JAG1: variants seen among roughly 807,000 people sequenced by gnomAD.
The protein encoded by JAG1 is jagged canonical Notch ligand 1, also known as protein jagged-1.
In JAG1, 23 loss-of-function variants were observed where a neutral mutation model predicts 148.7. The ratio of observed to expected loss-of-function variants is 0.15; its 90% CI spans 0.11 to 0.22. The LOEUF (loss-of-function observed/expected upper bound fraction) is 0.22. Among genes scored for constraint, JAG1 ranks in the 10% least tolerant of loss-of-function variants. The pLI, the probability that JAG1 is intolerant of heterozygous loss-of-function variation, is 1.00. For synonymous variants in JAG1, 572 were observed against 598.3 expected (o/e 0.96, Z 0.64); for missense variants, 1,054 against 1,611.2 (o/e 0.65, Z 5.92).
chr20:10,641,987 C>T lies in JAG1; in HGVS notation c.2573-95G>A, dbSNP rs1050581102. ...TGTTATGAAATGGTTATGCCTGTGC[C>T]CTTTGCCATGTTAAGATCATTCTTC... is the stretch of plus-strand genomic sequence containing the variant. On this transcript the variant is annotated intron_variant, in intron 21 of 25. Transcript: ENST00000254958. 1.1e-5 allele frequency: 9 copies of T among 840,590 alleles called. No individual in the cohort carries two copies. In the African/African-American group the frequency reaches 1.2e-4, roughly 11 times the overall value. The allele number at this position is 840,590 out of a possible 1,614,324, so 52.1% of individuals were successfully genotyped here.
rs948268763 is a variant in JAG1, at chr20:10,673,302, G to C, written c.81+148C>G. 2.0e-5 allele frequency: 14 copies of C among 700,508 alleles called. No homozygotes were observed. The highest frequency in any genetic ancestry group is 3.1e-5 in the Non-Finnish European group (13 of 423,588). 43.4% of individuals were successfully genotyped at this position (700,508 alleles called of 1,614,324 possible). The stretch of plus-strand genomic sequence containing the variant: ...GGGGCTCCCGTGGGGGAGTTGGCGC[G>C]CTCAGCCCAGGTGCAGCCGCTCGGG... On this transcript the variant is annotated intron_variant, in intron 1 of 25. Transcript: ENST00000254958. The surrounding 1 kb of genome is among the most constrained non-coding windows in gnomAD (Gnocchi z 4.7).
Position 10,647,974 on chromosome 20 carries a change from G to C in JAG1, c.1706C>G (p.Thr569Arg). 1 of 1,614,136 alleles carries C rather than the reference G, an allele frequency of 6.2e-7. No homozygotes were observed. Among genetic ancestry groups the C allele is most frequent in the Non-Finnish European group, 8.5e-7 (1 of 1,180,034 alleles). Reference protein sequence around the residue: ...NCSHLKDHCRTTPCEVIDSCT... With the variant: ...NCSHLKDHCRRTPCEVIDSCT... ...AAGGGAGGTACCTTCACAGGGGGTC[G>C]TGCGGCAGTGGTCTTTCAGGTGTGA... is the stretch of plus-strand genomic sequence containing the variant. The change falls in exon 13 of 26, where the codon ACG (threonine) becomes AGG (arginine). Residue 569 changes from threonine to arginine, a missense_variant. By Grantham distance (71) the Thr-to-Arg change is moderately conservative (BLOSUM62 -1). This residue lies in a region of JAG1 where 245 missense variants were observed against 373.1 expected (regional missense o/e 0.66). Coordinates refer to ENST00000254958, the MANE Select transcript of JAG1 (RefSeq NM_000214.3).
At chr20:10,657,231 G>T (rs978719629) in intron 4 of JAG1, among the ~76,000 whole-genome samples, 1 of 151,858 alleles carries the variant, frequency 6.6e-6, no homozygotes, top group Admixed American at 6.6e-5. Context: ...GTGGTGGCAT[G>T]TGCCTATAGT....
At chr20:10,671,855 G>A (rs780268214) in intron 2 of JAG1, among the ~76,000 whole-genome samples, 11 of 152,166 alleles carry the variant, frequency 7.2e-5, no homozygotes, top group Non-Finnish European at 1.3e-4. Context: ...GAATGGGGCG[G>A]GGGGATGAGG....
chr20:10,668,783 A>C (rs958689312), intron 2 of JAG1, among the ~76,000 whole-genome samples: 2 of 151,974 alleles, frequency 1.3e-5, no homozygotes, highest in African/African-American at 4.8e-5. Context: ...CAGCACTTAG[A>C]TTGCTGATTT....
In JAG1 at chr20:10,644,591, T is replaced by C. The variant is rs2067295178; in HGVS notation, c.2345-207A>G. ...ACATGTACACAGGAAGAGGCCCTGG[T>C]AGGGGATAGGGGTGGGGGTGAGAAT... On this transcript the variant is annotated intron_variant, in intron 18 of 25. Transcript: ENST00000254958. 1.0e-4 allele frequency: 65 copies of C among 653,090 alleles called. No homozygotes were observed. The South Asian group carries it at 1.1e-3, about 11-fold the overall frequency. 40.5% of individuals were successfully genotyped at this position (653,090 alleles called of 1,614,324 possible).
At position 10,641,794 on chromosome 20, in the gene JAG1, C is replaced by T. The variant is rs1454234098; in HGVS notation, c.2671G>A (p.Ala891Thr). Residue 891 changes from alanine (A) to threonine (T), a missense_variant, in exon 22 of 26, where the codon GCC becomes ACC. Physicochemically the swap from Ala to Thr is moderately conservative, Grantham distance 58. Transcript: ENST00000254958. The part of the protein sequence containing the change: ...NTCQCLNGRI[A>T]CSKVWCGPRP... ...CCATCATGTCCTACCTTTGAGCAGG[C>T]GATCCGTCCATTCAGGCACTGGCAG... 4.3e-6 allele frequency: 7 copies of T among 1,613,572 alleles called. No individual in the cohort carries two copies. The highest frequency in any genetic ancestry group is 2.2e-5 in the East Asian group (1 of 44,878).
intron 20 of JAG1, 71 bp downstream of exon 20, chr20:10,643,707 G>A (rs2067288659): frequency 8.4e-7 from 1 of 1,189,864 alleles, no homozygotes. Flanking sequence ...TTTTAAAGAT[G>A]AAAGTCTTGG....
intron 4 of JAG1, among the ~76,000 whole-genome samples, chr20:10,657,039 T>TA (rs2067384089): frequency 6.6e-6 from 1 of 151,688 alleles, no homozygotes; most frequent in East Asian, 1.9e-4. Flanking sequence ...CTACTTCGTT[T>TA]AAAAAAAAGA....
At chr20:10,662,403 C>T (rs6040065) in intron 3 of JAG1, 18,392 of 152,128 alleles carry the variant, frequency 0.12, 1,532 homozygotes, top group African/African-American at 0.23. Flanking sequence ...TGCAGTGTGG[C>T]GGGGAGGTCT....
At chr20:10,647,725 C>T (rs1157682125) in intron 13 of JAG1, among the ~76,000 whole-genome samples, 2 of 152,206 alleles carry the variant, frequency 1.3e-5, no homozygotes, top group Non-Finnish European at 2.9e-5. Flanking sequence ...AACAGGAATG[C>T]TAAATGGATT....
Position 10,673,409 on chromosome 20 carries a change from G to A in JAG1, c.81+41C>T. The A allele has an allele frequency of 1.5e-6, 2 of 1,362,574 alleles. No individual in the cohort carries two copies. The highest frequency in any genetic ancestry group is 2.0e-6 in the Non-Finnish European group (2 of 1,025,486). 84.4% of individuals were successfully genotyped at this position (1,362,574 alleles called of 1,614,324 possible). On this transcript the variant is annotated intron_variant, in intron 1 of 25. Coordinates refer to ENST00000254958, the MANE Select transcript of JAG1 (RefSeq NM_000214.3). The surrounding 1 kb of genome is among the most constrained non-coding windows in gnomAD (Gnocchi z 4.7). ...CCGCCCAGGGCGCCGCGAGGGGAGG[G>A]AGAGGACGGCTGGGAGGGAGGCCCG...
chr20:10,663,833 C>G (rs1200905444), intron 3 of JAG1, 130 bp downstream of exon 3: 2 of 771,934 alleles, frequency 2.6e-6, no homozygotes, highest in Non-Finnish European at 4.7e-6. Context: ...CCCTGGGGTA[C>G]AGGGGAGAAC....
In JAG1 at chr20:10,643,784, T is replaced by G; in HGVS notation, c.2452A>C (p.Arg818=). ...CAPGFAGPDC[R]ININECQSSP... is the part of the protein sequence containing the mutation. Reference sequence around the variant, plus strand: ...AGACGGAGACAGTCCTTACTTATTCTGCAGTCGGGCCCAGCAAAACCCGGG... The same window carrying G: ...AGACGGAGACAGTCCTTACTTATTCGGCAGTCGGGCCCAGCAAAACCCGGG... Residue 818 remains arginine (R), a synonymous_variant, in exon 20 of 26, where the codon AGA becomes CGA. Transcript: ENST00000254958. 1 of 1,613,666 alleles carries G rather than the reference T, an allele frequency of 6.2e-7. No individual in the cohort carries two copies. The highest frequency in any genetic ancestry group is 1.6e-4 in the Middle Eastern group (1 of 6,062).
At position 10,645,992 on chromosome 20, in the gene JAG1, C is replaced by T. The variant is rs756257793; in HGVS notation, c.1978G>A (p.Glu660Lys). The T allele has an allele frequency of 6.2e-7, 1 of 1,613,186 alleles. No individual in the cohort carries two copies. The highest frequency in any genetic ancestry group is 8.5e-7 in the Non-Finnish European group (1 of 1,179,258). ...TCACTGGTTTCACAGTAGGCCCCCT[C>T]CCAGCCGTCACTACAGATGCACTTG... ...SYKCICSDGW[E>K]GAYCETNIND... The change falls in exon 15 of 26, where the codon GAG (glutamate) becomes AAG (lysine). Residue 660 changes from glutamate to lysine, a missense_variant. Glu to Lys is a moderately conservative substitution (Grantham distance 56). Transcript: ENST00000254958. The surrounding 1 kb of genome is among the most constrained non-coding windows in gnomAD (Gnocchi z 6.1).
intron 5 of JAG1, 112 bp from the exon 6 acceptor site, chr20:10,652,710 C>T (rs2067355295): frequency 8.4e-7 from 1 of 1,194,338 alleles, no homozygotes; most frequent in Middle Eastern, 2.3e-4. Context: ...TTTCTGGGGA[C>T]AGGAAGGTAG....
intron 20 of JAG1, among the ~76,000 whole-genome samples, 178 bp downstream of exon 20, chr20:10,643,600 G>A (rs138161700): frequency 6.6e-6 from 1 of 152,298 alleles, no homozygotes; most frequent in East Asian, 1.9e-4. Flanking sequence ...CTACCAGCAG[G>A]TACCTGGGAG....
Position 10,644,875 on chromosome 20 carries a change from T to C in JAG1, c.2332A>G (p.Ile778Val). 1 of 1,613,054 alleles carries C rather than the reference T, an allele frequency of 6.2e-7. No homozygotes were observed. The highest frequency in any genetic ancestry group is 8.5e-7 in the Non-Finnish European group (1 of 1,178,978). The part of the protein sequence containing the change: ...CVCKEGWEGP[I>V]CAQNTNDCSP... ...GGAGGACACTCACTCTGAGCACAGA[T>C]GGGCCCCTCCCAGCCTTCCTTGCAG... The change falls in exon 18 of 26, where the codon ATC becomes GTC. Residue 778 changes from isoleucine to valine, a missense_variant. Ile to Val is a conservative substitution (Grantham distance 29, BLOSUM62 3). Coordinates refer to ENST00000254958, the MANE Select transcript of JAG1 (RefSeq NM_000214.3).
At position 10,652,143 on chromosome 20, in the gene JAG1, T is replaced by C. The variant is rs562158374; in HGVS notation, c.994A>G (p.Asn332Asp). 14 of 1,613,922 alleles carry C rather than the reference T, an allele frequency of 8.7e-6. No individual in the cohort carries two copies. Among genetic ancestry groups the C allele is most frequent in the Non-Finnish European group, 1.2e-5 (14 of 1,179,928 alleles). Reference sequence around the variant, plus strand: ...TTGGACCACTTACCAATTTCACAGTTGGGTCCTGAATACCCCTCAGGGCAG... The same window carrying C: ...TTGGACCACTTACCAATTTCACAGTCGGGTCCTGAATACCCCTCAGGGCAG... ...CSCPEGYSGP[N>D]CEIAEHACLS... The change falls in exon 7 of 26, where the codon AAC (asparagine) becomes GAC (aspartate). Residue 332 changes from asparagine (N) to aspartate (D), a missense_variant. Asn to Asp is a conservative substitution (Grantham distance 23, BLOSUM62 1). Transcript: ENST00000254958.
Sources: allele counts gnomAD v4.1 joint callset (sites outside exome capture counted in the v4.1 genomes callset), GRCh38; gene constraint gnomAD v4.1.1; regional missense constraint gnomAD v4.1.1; non-coding constraint Gnocchi (gnomAD v3.1); transcripts MANE v1.5; gene names NCBI Gene and HGNC (gene_info 2026-07-23, HGNC 2026-07-21).